The following LZTS1 variants were observed in gnomAD, a reference collection of about 807,000 sequenced individuals.
LZTS1 encodes leucine zipper tumor suppressor 1.
Under a neutral mutation model 45.8 loss-of-function variants are expected in LZTS1, and 31 were observed. The ratio of observed to expected loss-of-function variants is 0.68; its 90% CI spans 0.51 to 0.91. The LOEUF is 0.91. Among genes scored for constraint, LZTS1 ranks in the 40% least tolerant of loss-of-function variants. The probability of loss-of-function intolerance (pLI) is 0.00; values close to 1 mark genes in which losing one functional copy is unlikely to be tolerated. For synonymous variants in LZTS1, 359 were observed against 357.3 expected (o/e 1.00, Z -0.05); for missense variants, 821 against 788.9 (o/e 1.04, Z -0.49).
At chr8:20,282,214 A>G (rs1205885460) in intron 1 of LZTS1, among the ~76,000 whole-genome samples, 1 of 152,142 alleles carries the variant, frequency 6.6e-6, no homozygotes, top group Non-Finnish European at 1.5e-5. Context: ...CACACACCAT[A>G]ATGACTCATT....
chr8:20,292,974 A>G (rs1800923784), intron 1 of LZTS1, among the ~76,000 whole-genome samples: 1 of 152,140 alleles, frequency 6.6e-6, no homozygotes, highest in African/African-American at 2.4e-5. Flanking sequence ...CATGTGTCCC[A>G]TTAAATAAAT....
chr8:20,255,314 A>T lies in LZTS1; in HGVS notation c.-133T>A, dbSNP rs1585279437. On this transcript the variant is annotated splice_region_variant and 5_prime_UTR_variant, in exon 2 of 4. Coordinates refer to ENST00000381569, the MANE Select transcript of LZTS1 (RefSeq NM_021020.5). ...CTCACAGAGCCTGCGAGAGCCGTAGACCTGGAAGAAGACACAAGACAGAAG... is the reference window on the plus strand; with the variant it reads ...CTCACAGAGCCTGCGAGAGCCGTAGTCCTGGAAGAAGACACAAGACAGAAG... The T allele has an allele frequency of 3.5e-6, 5 of 1,440,846 alleles. No individual in the cohort carries two copies. The East Asian group carries it at 1.0e-4, about 29-fold the overall frequency. 89.3% of individuals were successfully genotyped at this position (1,440,846 alleles called of 1,614,324 possible).
rs986708455 is a variant in LZTS1, at chr8:20,248,290, A to G, written c.*1432T>C. ...AGCTATGATCATGCCACTGCACTCC[A>G]GCCTGGGGGACAGAGCAAGACCCTG... is the stretch of plus-strand genomic sequence containing the variant. On this transcript the variant is annotated 3_prime_UTR_variant, in exon 4 of 4. Transcript: ENST00000381569. 1.3e-5 allele frequency: 2 copies of G among 152,444 alleles called. No individual in the cohort carries two copies. The highest frequency in any genetic ancestry group is 4.8e-5 in the African/African-American group (2 of 41,462). The allele number at this position is 152,444 out of a possible 1,614,324, so 9.4% of individuals were successfully genotyped here. A position where few individuals can be genotyped will look rare whatever the true frequency, so the allele number is the denominator to read the frequency against.
In LZTS1 at chr8:20,253,561, G is replaced by T. The variant is rs1186155058; in HGVS notation, c.370C>A (p.Pro124Thr). The change falls in exon 3 of 4, where the codon CCC becomes ACC. Residue 124 changes from proline to threonine, a missense_variant. By Grantham distance (38) the Pro-to-Thr change is conservative (BLOSUM62 -1). Transcript: ENST00000381569. ...GGCAGCACAGGCTTGAAGGCTGTGGGCCTCACTGCACCCTTCTCGGAGCCC... is the reference window on the plus strand; with the variant it reads ...GGCAGCACAGGCTTGAAGGCTGTGGTCCTCACTGCACCCTTCTCGGAGCCC... ...EMGSEKGAVR[P>T]TAFKPVLPRS... 6.7e-7 allele frequency: 1 copy of T among 1,482,018 alleles called. No individual in the cohort carries two copies. The highest frequency in any genetic ancestry group is 8.9e-7 in the Non-Finnish European group (1 of 1,117,774). The allele number at this position is 1,482,018 out of a possible 1,614,324, so 91.8% of individuals were successfully genotyped here.
intron 1 of LZTS1, among the ~76,000 whole-genome samples, chr8:20,261,874 AG>A (rs1800239022): frequency 6.6e-6 from 1 of 152,060 alleles, no homozygotes; most frequent in South Asian, 2.1e-4. Flanking sequence ...GGAGATGTTC[AG>A]CCTCCAGCCA....
intron 1 of LZTS1, among the ~76,000 whole-genome samples, chr8:20,293,107 C>T (rs139034561): frequency 1.3e-5 from 2 of 152,178 alleles, no homozygotes; most frequent in East Asian, 1.9e-4. Flanking sequence ...CTAGGAGATA[C>T]GAGATGAAGA....
intron 2 of LZTS1, among the ~76,000 whole-genome samples, chr8:20,254,396 T>C (rs1052105054): frequency 3.9e-5 from 6 of 152,100 alleles, no homozygotes; most frequent in Non-Finnish European, 7.3e-5. Context: ...GGGCAGCAAA[T>C]GAGAAGACCG....
At chr8:20,257,476 T>C (rs999904013) in intron 1 of LZTS1, among the ~76,000 whole-genome samples, 9 of 152,116 alleles carry the variant, frequency 5.9e-5, no homozygotes, top group African/African-American at 2.2e-4. Context: ...GGAGGAATGG[T>C]GGAAGGAAGG....
intron 1 of LZTS1, among the ~76,000 whole-genome samples, chr8:20,287,352 C>G (rs1264299940): frequency 1.3e-5 from 2 of 152,256 alleles, no homozygotes; most frequent in Non-Finnish European, 2.9e-5. Flanking sequence ...ACTCCCACAT[C>G]TTTGCTGTCA....
chr8:20,257,116 A>G (rs1270343233), intron 1 of LZTS1, among the ~76,000 whole-genome samples: 1 of 152,180 alleles, frequency 6.6e-6, no homozygotes, highest in African/African-American at 2.4e-5. Context: ...TTGGGAGGCC[A>G]AGGTGGGCAG....
At chr8:20,291,487 C>T (rs1400915350) in intron 1 of LZTS1, among the ~76,000 whole-genome samples, 1 of 152,210 alleles carries the variant, frequency 6.6e-6, no homozygotes, top group East Asian at 1.9e-4. Context: ...ATATAATTTT[C>T]ATAAAAATTC....
In LZTS1 at chr8:20,254,819, C is replaced by T; in HGVS notation, c.345+18G>A. 6.3e-7 allele frequency: 1 copy of T among 1,583,772 alleles called. No individual in the cohort carries two copies. On this transcript the variant is annotated intron_variant, in intron 2 of 3. Transcript: ENST00000381569. The stretch of plus-strand genomic sequence containing the variant: ...TGCGTTTCCAACCCACTTACCCTTG[C>T]CAGCGACCCCCGCTTACCATTTCTA...
intron 1 of LZTS1, among the ~76,000 whole-genome samples, chr8:20,269,585 G>T (rs1421743287): frequency 6.6e-6 from 1 of 152,198 alleles, no homozygotes; most frequent in Non-Finnish European, 1.5e-5. Flanking sequence ...GATCAAGTCG[G>T]TATTCTGAGG....
chr8:20,254,044 C>T lies in LZTS1; in HGVS notation c.346-459G>A, dbSNP rs772387667. Reference sequence around the variant, plus strand: ...GGGTTGGGAGGCTCACTCCAAATCACGATCCTTTTTTAAAACTGTAATTTT... The same window carrying T: ...GGGTTGGGAGGCTCACTCCAAATCATGATCCTTTTTTAAAACTGTAATTTT... On this transcript the variant is annotated intron_variant, in intron 2 of 3. Coordinates refer to ENST00000381569, the MANE Select transcript of LZTS1 (RefSeq NM_021020.5). Among the ~76,000 whole-genome samples, 3 of 152,158 alleles carry T rather than the reference C, an allele frequency of 2.0e-5. No individual in the cohort carries two copies. The East Asian group carries it at 5.8e-4, about 29-fold the overall frequency.
At position 20,252,930 on chromosome 8, in the gene LZTS1, T is replaced by C; in HGVS notation, c.1001A>G (p.Gln334Arg). 1.2e-6 allele frequency: 2 copies of C among 1,606,690 alleles called. No individual in the cohort carries two copies. Among genetic ancestry groups the C allele is most frequent in the Non-Finnish European group, 1.7e-6 (2 of 1,177,764 alleles). ...CTTCTCCTGCTGAAGCTGCAGTACC[T>C]GCAGGTGCAGGACCTGCTGCGCGCG... ...SQRAQQVLHL[Q>R]VLQLQQEKRQ... The change falls in exon 3 of 4, where the codon CAG becomes CGG. Residue 334 changes from glutamine (Q) to arginine (R), a missense_variant. Physicochemically the swap from Gln to Arg is conservative, Grantham distance 43. Coordinates refer to ENST00000381569, the MANE Select transcript of LZTS1 (RefSeq NM_021020.5).
rs1800744774 is a variant in LZTS1 at position 20,284,078 on chromosome 8, T to C, written c.-135+19662A>G. Among the ~76,000 whole-genome samples the C allele has an allele frequency of 2.0e-5, 3 of 152,222 alleles. No individual in the cohort carries two copies. In the South Asian group the frequency reaches 6.2e-4, roughly 31 times the overall value. The stretch of plus-strand genomic sequence containing the variant: ...CATCCTGGACTTGAACTTGCTCTGC[T>C]TGGCCATTGACTAGTTGTGTGGTCT... On this transcript the variant is annotated intron_variant, in intron 1 of 3. Coordinates refer to ENST00000381569, the MANE Select transcript of LZTS1 (RefSeq NM_021020.5).
Position 20,253,166 on chromosome 8 carries a change from G to T in LZTS1, c.765C>A (p.Pro255=). The T allele has an allele frequency of 1.2e-6, 2 of 1,613,292 alleles. No homozygotes were observed. The highest frequency in any genetic ancestry group is 1.7e-6 in the Non-Finnish European group (2 of 1,179,964). Residue 255 remains proline, a synonymous_variant, in exon 3 of 4, where the codon CCC becomes CCA. Transcript: ENST00000381569. ...GGATGCTGCACTCGTCCGTGGAGAT[G>T]GGGGAGCGGACACACGAGGGGCCCT... The part of the protein sequence containing the change: ...ADKGPSCVRS[P]ISTDECSIQE...
Position 20,287,004 on chromosome 8 carries a change from T to C in LZTS1, c.-135+16736A>G, listed in dbSNP as rs552781374. On this transcript the variant is annotated intron_variant, in intron 1 of 3. Transcript: ENST00000381569. Reference sequence around the variant, plus strand: ...TCTCTCTTGACTAGGCTTCTATGTATATGAAAAATTTGCAAACTTGTCTAG... The same window carrying C: ...TCTCTCTTGACTAGGCTTCTATGTACATGAAAAATTTGCAAACTTGTCTAG... Among the ~76,000 whole-genome samples, 5 of 152,336 alleles carry C rather than the reference T, an allele frequency of 3.3e-5. No homozygotes were observed. The South Asian group carries it at 1.0e-3, about 32-fold the overall frequency.
At chr8:20,273,368 T>C (rs1387762983) in intron 1 of LZTS1, among the ~76,000 whole-genome samples, 1 of 152,080 alleles carries the variant, frequency 6.6e-6, no homozygotes, top group Non-Finnish European at 1.5e-5. Flanking sequence ...TGGGGATGAT[T>C]TTTAGATCGT....
Sources: gnomAD v4.1 joint callset for allele counts (sites outside exome capture counted in the v4.1 genomes callset) on GRCh38, gnomAD v4.1.1 for gene constraint, MANE v1.5 for transcripts, NCBI Gene and HGNC (gene_info 2026-07-23, HGNC 2026-07-21) for gene names.